The following GLI3 variants were observed in gnomAD, a reference collection of about 807,000 sequenced individuals.
GLI3 encodes GLI family zinc finger 3.
GLI3 carries 20 observed loss-of-function variants against 100.8 expected under a neutral mutation model. The observed-to-expected ratio is 0.20, with a 90% CI of 0.14 to 0.29. GLI3 has a LOEUF of 0.29. GLI3 is among the 10% of genes least tolerant of loss of function. GLI3 has a pLI of 1.00. For missense variants in GLI3, 2,040 were observed against 2,128.5 expected, an observed-to-expected ratio of 0.96 and a Z score of 0.82; for synonymous variants, 938 against 860.5, an observed-to-expected ratio of 1.09 and a Z score of -1.58.
At position 42,063,356 on chromosome 7, in the gene GLI3, T is replaced by G. The variant is rs191773500; in HGVS notation, c.473+13396A>C. On this transcript the variant is annotated intron_variant, in intron 4 of 14. Transcript: ENST00000395925. ...CTCTAAGATGTTACTGATCTAAAGG[T>G]GCAAAATTGTGTTAGATACCACTAA... is the stretch of plus-strand genomic sequence containing the variant. Among the ~76,000 whole-genome samples the G allele has an allele frequency of 3.0e-3, 458 of 152,258 alleles. 1 individual carries two copies. The highest frequency in any genetic ancestry group is 0.011 in the African/African-American group (446 of 41,564).
chr7:42,055,500 G>A (rs530570319), intron 4 of GLI3, among the ~76,000 whole-genome samples: 86 of 152,154 alleles, frequency 5.7e-4, no homozygotes, highest in Middle Eastern at 3.4e-3. Context: ...TGGCTCTGTG[G>A]TATGGCATTG....
intron 3 of GLI3, among the ~76,000 whole-genome samples, chr7:42,098,365 CA>C (rs796417056): frequency 2.7e-5 from 4 of 150,824 alleles, no homozygotes; most frequent in Non-Finnish European, 4.4e-5. Flanking sequence ...CAGCCATTTC[CA>C]AAAAAAAACC....
intron 7 of GLI3, among the ~76,000 whole-genome samples, chr7:42,027,069 T>C (rs1428242100): frequency 3.3e-5 from 5 of 152,230 alleles, no homozygotes; most frequent in Admixed American, 3.3e-4. Flanking sequence ...CTCCCTCTTC[T>C]AGCTAAACAG....
At chr7:42,102,696 T>C (rs964451937) in intron 3 of GLI3, among the ~76,000 whole-genome samples, 10 of 152,166 alleles carry the variant, frequency 6.6e-5, no homozygotes, top group African/African-American at 2.4e-4. Context: ...ATTCTAAATG[T>C]TTCTGCTATA....
intron 4 of GLI3, among the ~76,000 whole-genome samples, chr7:42,070,319 T>A (rs969591169): frequency 5.3e-5 from 8 of 152,238 alleles, no homozygotes; most frequent in African/African-American, 1.7e-4. Flanking sequence ...CTGCTGTATT[T>A]CCACCTTGGG....
intron 3 of GLI3, among the ~76,000 whole-genome samples, chr7:42,120,145 T>C (rs775161004): frequency 1.9e-4 from 29 of 152,224 alleles, no homozygotes; most frequent in Non-Finnish European, 3.1e-4. Context: ...ATTTTGACTT[T>C]AGCAGCCCCA....
chr7:42,183,179 G>A (rs972011005), intron 2 of GLI3, among the ~76,000 whole-genome samples: 3 of 152,234 alleles, frequency 2.0e-5, no homozygotes, highest in Admixed American at 2.0e-4. Flanking sequence ...AGCCGAGATT[G>A]CGCCATGGCA....
chr7:42,002,078 G>GCA (rs895552820), intron 10 of GLI3, among the ~76,000 whole-genome samples: 12 of 120,314 alleles, frequency 1.0e-4, no homozygotes, highest in East Asian at 4.8e-4. Context: ...ACACACACAC[G>GCA]CACACACACA....
chr7:42,139,996 T>C (rs896487620), intron 3 of GLI3, among the ~76,000 whole-genome samples: 2 of 152,242 alleles, frequency 1.3e-5, no homozygotes, highest in Non-Finnish European at 2.9e-5. Context: ...TCTTGAGCCC[T>C]GTCTTTGCCA....
intron 2 of GLI3, among the ~76,000 whole-genome samples, chr7:42,200,239 C>G (rs900476243): frequency 6.6e-6 from 1 of 152,176 alleles, no homozygotes; most frequent in Non-Finnish European, 1.5e-5. Flanking sequence ...ATCCCATTAA[C>G]AGGAATAGTT....
intron 2 of GLI3, among the ~76,000 whole-genome samples, chr7:42,214,008 A>G (rs930860494): frequency 6.6e-6 from 1 of 152,228 alleles, no homozygotes; most frequent in Non-Finnish European, 1.5e-5. Context: ...TAAATGATAG[A>G]ACTAAAAGTT....
At chr7:42,129,379 A>G (rs952856199) in intron 3 of GLI3, among the ~76,000 whole-genome samples, 5 of 152,246 alleles carry the variant, frequency 3.3e-5, no homozygotes. Flanking sequence ...AAATTAAGAT[A>G]AAAAATTTCA....
At chr7:41,995,515 C>A (rs1001251846) in intron 10 of GLI3, among the ~76,000 whole-genome samples, 2 of 152,112 alleles carry the variant, frequency 1.3e-5, no homozygotes, top group Admixed American at 6.6e-5. Context: ...CCTAATAGTG[C>A]ACCATGAGTT....
In GLI3 at chr7:41,961,170, C is replaced by T. The variant is rs1316290801; in HGVS notation, c.*3160G>A. The T allele has an allele frequency of 6.6e-6, 1 of 152,458 alleles. No homozygotes were observed. Among genetic ancestry groups the T allele is most frequent in the Non-Finnish European group, 1.5e-5 (1 of 68,026 alleles). The allele number at this position is 152,458 out of a possible 1,614,324, so 9.4% of individuals were successfully genotyped here. ...TGCCTACAATACTTAAATGTATTTA[C>T]ATGTGTTTCTTTTAAAAAAAGGATT... On this transcript the variant is annotated 3_prime_UTR_variant, in exon 15 of 15. Transcript: ENST00000395925.
At chr7:42,137,544 A>G (rs1314280621) in intron 3 of GLI3, among the ~76,000 whole-genome samples, 1 of 152,012 alleles carries the variant, frequency 6.6e-6, no homozygotes. Context: ...TCTGGCTGCA[A>G]AGACACCTCC....
intron 7 of GLI3, among the ~76,000 whole-genome samples, chr7:42,028,118 C>T (rs1203615458): frequency 6.6e-6 from 1 of 152,204 alleles, no homozygotes; most frequent in African/African-American, 2.4e-5. Flanking sequence ...AATGATTTAA[C>T]AGCCCCCCTT....
At chr7:42,173,725 ACAG>A (rs1787423650) in intron 2 of GLI3, among the ~76,000 whole-genome samples, 1 of 152,206 alleles carries the variant, frequency 6.6e-6, no homozygotes, top group Admixed American at 6.5e-5. Context: ...CAACTCTAGC[ACAG>A]CCACTGGCTC....
At chr7:42,218,150 G>A (rs1788413314) in intron 2 of GLI3, among the ~76,000 whole-genome samples, 1 of 152,118 alleles carries the variant, frequency 6.6e-6, no homozygotes, top group African/African-American at 2.4e-5. Context: ...CCACGTATCT[G>A]TCATGTGCCA....
chr7:42,175,609 C>A (rs951802392), intron 2 of GLI3, among the ~76,000 whole-genome samples: 1 of 145,144 alleles, frequency 6.9e-6, no homozygotes, highest in Non-Finnish European at 1.5e-5. Flanking sequence ...CAGAGTGAGA[C>A]TCTGTCTCCA....
Sources: gnomAD v4.1 joint callset for allele counts (sites outside exome capture counted in the v4.1 genomes callset) on GRCh38, gnomAD v4.1.1 for gene constraint, MANE v1.5 for transcripts, NCBI Gene and HGNC (gene_info 2026-07-23, HGNC 2026-07-21) for gene names.